The following INO80 variants were observed in gnomAD, a reference collection of about 807,000 sequenced individuals.
INO80 encodes chromatin-remodeling ATPase INO80.
INO80 carries 20 observed loss-of-function variants against 203.4 expected under a neutral mutation model. The observed-to-expected ratio is 0.10, with a 90% confidence interval of 0.07 to 0.14. The LOEUF (loss-of-function observed/expected upper bound fraction) is 0.14, where lower values mean the gene tolerates loss of function less well. INO80 is among the 10% of genes least tolerant of loss of function. The pLI is 1.00. For synonymous variants in INO80, 726 were observed against 685.2 expected, an observed-to-expected ratio of 1.06 and a Z score of -0.93; for missense variants, 1,419 against 1,914.4, an observed-to-expected ratio of 0.74 and a Z score of 4.83.
chr15:41,044,242 T>C (rs1033111837), intron 24 of INO80, among the ~76,000 whole-genome samples: 6 of 152,192 alleles, frequency 3.9e-5, no homozygotes, highest in Admixed American at 6.5e-5. Flanking sequence ...TCAAATAACA[T>C]GTAGACAAAT....
At chr15:41,096,450 T>C in intron 1 of INO80, 97 bp from the exon 2 acceptor site, 1 of 805,412 alleles carries the variant, frequency 1.2e-6, no homozygotes, top group Non-Finnish European at 1.8e-6. Flanking sequence ...TCAGACCTTC[T>C]AGAACACAAG....
chr15:41,082,154 G>A (rs2045494311), intron 7 of INO80, among the ~76,000 whole-genome samples: 1 of 150,430 alleles, frequency 6.6e-6, no homozygotes, highest in African/African-American at 2.5e-5. Context: ...GGAGGCTGAA[G>A]CAGGAGAATC....
intron 24 of INO80, among the ~76,000 whole-genome samples, chr15:41,033,795 T>G (rs567643916): frequency 2.6e-4 from 39 of 152,212 alleles, no homozygotes; most frequent in African/African-American, 8.9e-4. Flanking sequence ...CTCACGCCTG[T>G]AATCCCAGTA....
intron 14 of INO80, among the ~76,000 whole-genome samples, chr15:41,061,348 T>A (rs1332853189): frequency 6.7e-6 from 1 of 148,356 alleles, no homozygotes; most frequent in Non-Finnish European, 1.5e-5. Flanking sequence ...GGCTCACACC[T>A]GGAATCCTAG....
At chr15:41,018,367 A>G (rs1482365835) in intron 26 of INO80, 1 of 152,254 alleles carries the variant, frequency 6.6e-6, no homozygotes, top group African/African-American at 2.4e-5. Context: ...TTTGCTAATC[A>G]GAATGAACTG....
chr15:41,022,335 G>C (rs1287500717), intron 25 of INO80, among the ~76,000 whole-genome samples: 1 of 152,206 alleles, frequency 6.6e-6, no homozygotes, highest in Non-Finnish European at 1.5e-5. Flanking sequence ...AAGGGAACTT[G>C]ATCTTGCTAT....
chr15:40,994,807 G>A (rs2043860184), intron 29 of INO80, among the ~76,000 whole-genome samples: 1 of 152,186 alleles, frequency 6.6e-6, no homozygotes, highest in African/African-American at 2.4e-5. Flanking sequence ...ACAACGCTGG[G>A]CCCTTGGTGG....
rs770947649 is a variant in INO80 at position 40,985,402 on chromosome 15, C to T, written c.3857G>A (p.Arg1286Gln). The T allele has an allele frequency of 5.6e-6, 9 of 1,613,830 alleles. No individual in the cohort carries two copies. Among genetic ancestry groups the T allele is most frequent in the South Asian group, 2.2e-5 (2 of 91,072 alleles). The change falls in exon 32 of 36, where the codon CGG (arginine) becomes CAG (glutamine). Residue 1286 changes from arginine to glutamine, a missense_variant. Around this residue, in one of 9 missense-constraint regions of INO80, gnomAD observed 214 missense variants for 248.9 expected, o/e 0.86. Coordinates refer to ENST00000648947, the MANE Select transcript of INO80 (RefSeq NM_017553.3). ...KKLRLRQEEK[R>Q]QQEETNRVKE... Reference sequence around the variant, plus strand: ...CACTCGGTTGGTTTCCTCCTGTTGCCGTTTCTCTTCCTGCCGCAGCCTCAC... The same window carrying T: ...CACTCGGTTGGTTTCCTCCTGTTGCTGTTTCTCTTCCTGCCGCAGCCTCAC...
intron 1 of INO80, among the ~76,000 whole-genome samples, chr15:41,114,943 G>A (rs536031175): frequency 6.6e-6 from 1 of 152,182 alleles, no homozygotes; most frequent in South Asian, 2.1e-4. Flanking sequence ...ATTAAATAGT[G>A]GTTGATGGCT....
intron 14 of INO80, among the ~76,000 whole-genome samples, chr15:41,066,721 T>C (rs997894687): frequency 2.7e-5 from 4 of 150,816 alleles, no homozygotes; most frequent in African/African-American, 2.4e-5. Flanking sequence ...TCCTAGCTAC[T>C]TGGGAGGCTG....
chr15:41,003,380 G>T (rs2043993259), intron 28 of INO80, among the ~76,000 whole-genome samples: 1 of 127,234 alleles, frequency 7.9e-6, no homozygotes, highest in African/African-American at 2.8e-5. Flanking sequence ...ACCCAGGCTG[G>T]AGTGGAGTGG....
At chr15:40,981,676 GCTCT>G (rs1007542893) in intron 35 of INO80, among the ~76,000 whole-genome samples, 3 of 152,156 alleles carry the variant, frequency 2.0e-5, no homozygotes, top group African/African-American at 2.4e-5. Context: ...TCTGTAAGTG[GCTCT>G]CTCTTTCTCA....
chr15:41,033,045 C>CA (rs1314796553), intron 24 of INO80, among the ~76,000 whole-genome samples: 1 of 151,850 alleles, frequency 6.6e-6, no homozygotes, highest in Non-Finnish European at 1.5e-5. Flanking sequence ...ACAACAACAA[C>CA]AAAAAAACAA....
chr15:41,072,200 CGTA>C, intron 11 of INO80, 142 bp from the exon 12 acceptor site: 1 of 563,080 alleles, frequency 1.8e-6, no homozygotes, highest in Non-Finnish European at 3.1e-6. Context: ...GATAATATAA[CGTA>C]GTATCATATG....
At position 41,074,415 on chromosome 15, in the gene INO80, C is replaced by T. The variant is rs1240877193; in HGVS notation, c.1282G>A (p.Asp428Asn). The T allele has an allele frequency of 2.5e-6, 4 of 1,613,788 alleles. No homozygotes were observed. Among genetic ancestry groups the T allele is most frequent in the East Asian group, 2.2e-5 (1 of 44,878 alleles). Reference protein sequence around the residue: ...LEDSSTQRQIDIGGGVVVNIT... With the variant: ...LEDSSTQRQINIGGGVVVNIT... ...TTAACTACCACTCCTCCACCTATATCGATTTGTCTCTGGGTAGAACTGTCT... is the reference window on the plus strand; with the variant it reads ...TTAACTACCACTCCTCCACCTATATTGATTTGTCTCTGGGTAGAACTGTCT... Residue 428 changes from aspartate (D) to asparagine (N), a missense_variant, in exon 10 of 36, where the codon GAT becomes AAT. This residue lies in a region of INO80 where 116 missense variants were observed against 119.5 expected (regional missense o/e 0.97). Transcript: ENST00000648947.
chr15:41,106,201 T>C (rs1566951601), intron 1 of INO80, among the ~76,000 whole-genome samples: 1 of 151,904 alleles, frequency 6.6e-6, no homozygotes. Context: ...CTGGGCAACA[T>C]AGCGAAATCC....
At position 41,099,023 on chromosome 15, in the gene INO80, T is replaced by C. The variant is rs1204068295; in HGVS notation, c.-43-2670A>G. 4.0e-5 allele frequency among the ~76,000 whole-genome samples: 6 copies of C among 151,790 alleles called. No individual in the cohort carries two copies. The East Asian group carries it at 9.7e-4, about 25-fold the overall frequency. On this transcript the variant is annotated intron_variant, in intron 1 of 35. Coordinates refer to ENST00000648947, the MANE Select transcript of INO80 (RefSeq NM_017553.3). ...CATTTAGGAGGCTGAAGTGGGTGGA[T>C]CCCTTGAGCCCAGGAGTTTGAGACC... is the stretch of plus-strand genomic sequence containing the variant.
intron 1 of INO80, among the ~76,000 whole-genome samples, chr15:41,103,902 C>T (rs1231232565): frequency 6.6e-6 from 1 of 152,046 alleles, no homozygotes; most frequent in African/African-American, 2.4e-5. Context: ...TGTCTCACTT[C>T]GCGCAAAGAG....
intron 1 of INO80, among the ~76,000 whole-genome samples, chr15:41,102,656 G>C (rs1373737767): frequency 2.5e-4 from 38 of 150,900 alleles, no homozygotes; most frequent in Non-Finnish European, 1.0e-4. Flanking sequence ...GGGCAACAGA[G>C]CAAGACTGTC....
Sources: allele counts gnomAD v4.1 joint callset (sites outside exome capture counted in the v4.1 genomes callset), GRCh38; gene constraint gnomAD v4.1.1; regional missense constraint gnomAD v4.1.1; transcripts MANE v1.5; gene names NCBI Gene and HGNC (gene_info 2026-07-23, HGNC 2026-07-21).